Variants in XXYLT1 observed in about 807,000 individuals in gnomAD.
XXYLT1 encodes the protein UDP-xylose:alpha-xyloside alpha-1,3-xylosyltransferase.
A neutral mutation model predicts 28.9 loss-of-function variants in XXYLT1; 20 were observed. That is an observed-to-expected ratio of 0.69 (90% CI 0.49 to 1.00). The LOEUF (loss-of-function observed/expected upper bound fraction) is 1.00. Among genes scored for constraint, XXYLT1 ranks in the 50% least tolerant of loss-of-function variants. The pLI is 0.00. For missense variants in XXYLT1, 542 were observed against 560.1 expected, an observed-to-expected ratio of 0.97 and a Z score of 0.33; for synonymous variants, 257 against 253.8, an observed-to-expected ratio of 1.01 and a Z score of -0.12.
At chr3:195,220,352 C>A (rs1577162703) in intron 2 of XXYLT1, among the ~76,000 whole-genome samples, 1 of 152,176 alleles carries the variant, frequency 6.6e-6, no homozygotes, top group Non-Finnish European at 1.5e-5. Flanking sequence ...CCATGTTGGC[C>A]AGGCTGGTAT....
chr3:195,075,417 C>T (rs1023110346), intron 3 of XXYLT1, among the ~76,000 whole-genome samples: 28 of 152,196 alleles, frequency 1.8e-4, no homozygotes, highest in African/African-American at 6.8e-4. Context: ...ACTGGCCTGT[C>T]CAGGGTCACG....
At chr3:195,108,075 CA>C (rs1717251065) in intron 3 of XXYLT1, among the ~76,000 whole-genome samples, 1 of 152,204 alleles carries the variant, frequency 6.6e-6, no homozygotes, top group Admixed American at 6.5e-5. Flanking sequence ...CACCACTCCC[CA>C]TAGGGGGGTC....
chr3:195,163,509 G>A (rs1313052770), intron 2 of XXYLT1, among the ~76,000 whole-genome samples: 2 of 152,208 alleles, frequency 1.3e-5, no homozygotes, highest in Non-Finnish European at 2.9e-5. Flanking sequence ...ACATGGCAAT[G>A]ACAATGATAG....
chr3:195,250,973 T>C (rs898932429), intron 1 of XXYLT1, among the ~76,000 whole-genome samples: 46 of 152,358 alleles, frequency 3.0e-4, no homozygotes, highest in East Asian at 3.9e-4. Context: ...CAGCACTCGT[T>C]TGCCTCTGGC....
intron 1 of XXYLT1, among the ~76,000 whole-genome samples, chr3:195,248,844 C>T (rs538204896): frequency 2.0e-4 from 31 of 152,228 alleles, no homozygotes; most frequent in Middle Eastern, 3.4e-3. Context: ...CGCTTGAACT[C>T]GGAGGGAGGA....
intron 2 of XXYLT1, among the ~76,000 whole-genome samples, chr3:195,219,242 C>G (rs1723713517): frequency 6.6e-6 from 1 of 152,008 alleles, no homozygotes; most frequent in Non-Finnish European, 1.5e-5. Flanking sequence ...GTGCAGCGCA[C>G]CAGCATGGCA....
chr3:195,153,047 C>T (rs181160289), intron 3 of XXYLT1, among the ~76,000 whole-genome samples: 4 of 152,362 alleles, frequency 2.6e-5, no homozygotes, highest in Non-Finnish European at 5.9e-5. Context: ...AGCAGTCTGA[C>T]GGCCGCAGCA....
intron 1 of XXYLT1, among the ~76,000 whole-genome samples, chr3:195,262,449 C>T (rs1488707285): frequency 1.3e-5 from 2 of 152,118 alleles, no homozygotes; most frequent in Non-Finnish European, 2.9e-5. Flanking sequence ...GGATTGTATA[C>T]ATTAAATGAG....
intron 2 of XXYLT1, among the ~76,000 whole-genome samples, chr3:195,190,103 G>A (rs528609005): frequency 2.4e-4 from 35 of 146,330 alleles, no homozygotes; most frequent in African/African-American, 7.8e-4. Flanking sequence ...CAAGAATTCC[G>A]TATCTAGCAA....
At chr3:195,093,583 T>C (rs1275705077) in intron 3 of XXYLT1, among the ~76,000 whole-genome samples, 1 of 150,156 alleles carries the variant, frequency 6.7e-6, no homozygotes, top group Non-Finnish European at 1.5e-5. Context: ...TAATGCTAGA[T>C]GACGAGTTAG....
At chr3:195,157,261 A>C (rs1488104393) in intron 2 of XXYLT1, among the ~76,000 whole-genome samples, 1 of 151,354 alleles carries the variant, frequency 6.6e-6, no homozygotes, top group Non-Finnish European at 1.5e-5. Context: ...AAAAAAAAAA[A>C]AAAAACCCTC....
rs561399674 is a variant in XXYLT1 at position 195,176,486 on chromosome 3, T to A, written c.653-19905A>T. ...AATGAGATGAGAAGCAGATCTTGAA[T>A]ATTCTGTCTTCGGTTTCAAACACAA... On this transcript the variant is annotated intron_variant, in intron 2 of 3. Coordinates refer to ENST00000310380, the MANE Select transcript of XXYLT1 (RefSeq NM_152531.5). This position sits in a 1 kb window ranked among gnomAD's most constrained non-coding sequence, Gnocchi z 4.9. 4.8e-4 allele frequency among the ~76,000 whole-genome samples: 73 copies of A among 152,360 alleles called. 2 individuals are homozygous for A. The highest frequency in any genetic ancestry group is 5.2e-4 in the Admixed American group (8 of 15,308).
rs186680628 is a variant in XXYLT1 at position 195,118,902 on chromosome 3, C to T, written c.785+37547G>A. Among the ~76,000 whole-genome samples, 114 of 152,286 alleles carry T rather than the reference C, an allele frequency of 7.5e-4. 1 individual carries two copies. The highest frequency in any genetic ancestry group is 2.5e-3 in the African/African-American group (105 of 41,566). ...CTTCAGTGGGGTTCTAAGAGCACTGCGTTCCTCTGGGGCTCTGTCATTAGC... is the reference window on the plus strand; with the variant it reads ...CTTCAGTGGGGTTCTAAGAGCACTGTGTTCCTCTGGGGCTCTGTCATTAGC... On this transcript the variant is annotated intron_variant, in intron 3 of 3. Coordinates refer to ENST00000310380, the MANE Select transcript of XXYLT1 (RefSeq NM_152531.5).
At chr3:195,098,888 G>A (rs895458383) in intron 3 of XXYLT1, among the ~76,000 whole-genome samples, 2 of 152,204 alleles carry the variant, frequency 1.3e-5, no homozygotes, top group African/African-American at 4.8e-5. Flanking sequence ...GCTGCCTCAG[G>A]GCTTTCCGTC....
At position 195,085,045 on chromosome 3, in the gene XXYLT1, G is replaced by C. The variant is rs182991375; in HGVS notation, c.786-14934C>G. ...TGTGTGGTTCATCTGAGCAGCCGCA[G>C]AGTCTTCACGTGGACGTAACCTTCT... On this transcript the variant is annotated intron_variant, in intron 3 of 3. Transcript: ENST00000310380. Among the ~76,000 whole-genome samples the C allele has an allele frequency of 9.0e-4, 137 of 152,350 alleles. 1 individual carries two copies. The highest frequency in any genetic ancestry group is 3.2e-3 in the African/African-American group (133 of 41,582).
chr3:195,259,358 G>A (rs907898712), intron 1 of XXYLT1, among the ~76,000 whole-genome samples: 11 of 152,266 alleles, frequency 7.2e-5, no homozygotes, highest in African/African-American at 2.7e-4. Flanking sequence ...GAGCCGTGAA[G>A]TCAAGGTCCC....
intron 2 of XXYLT1, among the ~76,000 whole-genome samples, chr3:195,166,847 T>C (rs535608422): frequency 6.6e-6 from 1 of 152,198 alleles, no homozygotes; most frequent in Non-Finnish European, 1.5e-5. Context: ...CCCAGCTAAT[T>C]TTTGCATTTT....
intron 3 of XXYLT1, among the ~76,000 whole-genome samples, chr3:195,086,274 C>G (rs2108653941): frequency 6.6e-6 from 1 of 152,306 alleles, no homozygotes; most frequent in East Asian, 1.9e-4. Context: ...AGCTCAGATT[C>G]CTATCGTGCT....
At chr3:195,198,013 G>A (rs773958319) in intron 2 of XXYLT1, among the ~76,000 whole-genome samples, 1 of 152,166 alleles carries the variant, frequency 6.6e-6, no homozygotes, top group East Asian at 1.9e-4. Context: ...CTTCACCCTC[G>A]GCTCTCCCCT....
Sources: gnomAD v4.1 joint callset for allele counts (sites outside exome capture counted in the v4.1 genomes callset) on GRCh38, gnomAD v4.1.1 for gene constraint, Gnocchi (gnomAD v3.1) non-coding constraint, MANE v1.5 for transcripts, NCBI Gene and HGNC (gene_info 2026-07-23, HGNC 2026-07-21) for gene names.